PDE7B: variants seen among roughly 807,000 people sequenced by gnomAD.
PDE7B encodes the protein 3',5'-cyclic-AMP phosphodiesterase 7B.
A neutral mutation model predicts 56.2 loss-of-function variants in PDE7B; 29 were observed. That is an observed-to-expected ratio of 0.52 (90% CI 0.38 to 0.70). The LOEUF is 0.70. Ranked by LOEUF, PDE7B falls within the 30% of genes least tolerant of loss-of-function variation. PDE7B has a pLI of 0.00. For synonymous variants in PDE7B, 197 were observed against 196.9 expected (o/e 1.00, Z 0.00); for missense variants, 490 against 565.0 (o/e 0.87, Z 1.35).
intron 8 of PDE7B, chr6:136,156,162 AGT>A (rs10625572): frequency 0.062 from 15,537 of 250,936 alleles, 285 homozygotes; most frequent in Non-Finnish European, 0.073. Flanking sequence ...GAATGATCCA[AGT>A]GTGTGTGTGT....
chr6:136,006,526 G>T (rs1024597852), intron 2 of PDE7B, among the ~76,000 whole-genome samples: 1 of 152,004 alleles, frequency 6.6e-6, no homozygotes, highest in African/African-American at 2.4e-5. Context: ...CAATGATATT[G>T]ATTCTTCCTA....
chr6:136,167,573 T>A (rs1778814936), intron 8 of PDE7B, among the ~76,000 whole-genome samples: 1 of 152,218 alleles, frequency 6.6e-6, no homozygotes, highest in African/African-American at 2.4e-5. Context: ...TGTAAGTCCA[T>A]TGAACCTCTT....
rs534828027 is a variant in PDE7B, at chr6:135,876,546, G to A, written c.21+24527G>A. ...TTTCTCACTTTCTTGAACTTATATA[G>A]TCGATAGATATGTTCAATATCCTCA... On this transcript the variant is annotated intron_variant, in intron 1 of 12. Coordinates refer to ENST00000308191, the MANE Select transcript of PDE7B (RefSeq NM_018945.4). Among the ~76,000 whole-genome samples, 344 of 152,156 alleles carry A rather than the reference G, an allele frequency of 2.3e-3. 3 individuals are homozygous for A. Among genetic ancestry groups the A allele is most frequent in the African/African-American group, 8.0e-3 (333 of 41,512 alleles).
At chr6:135,976,060 G>A (rs542744308) in intron 2 of PDE7B, among the ~76,000 whole-genome samples, 119 of 152,242 alleles carry the variant, frequency 7.8e-4, no homozygotes, top group African/African-American at 2.8e-3. Flanking sequence ...CAGACCTGCA[G>A]CCGATACCAC....
At chr6:136,055,921 A>T (rs1173612750) in intron 2 of PDE7B, among the ~76,000 whole-genome samples, 1 of 152,242 alleles carries the variant, frequency 6.6e-6, no homozygotes, top group African/African-American at 2.4e-5. Flanking sequence ...ACACTGGACA[A>T]TGATCCTGCA....
chr6:136,090,673 A>G (rs187089933), intron 2 of PDE7B, among the ~76,000 whole-genome samples: 2 of 152,266 alleles, frequency 1.3e-5, no homozygotes, highest in African/African-American at 4.8e-5. Context: ...TTACCCTCTT[A>G]GTTTGAACCA....
chr6:136,046,569 C>A (rs1459696484), intron 2 of PDE7B, among the ~76,000 whole-genome samples: 1 of 152,178 alleles, frequency 6.6e-6, no homozygotes, highest in Non-Finnish European at 1.5e-5. Context: ...AGGTGCCAAC[C>A]TCAGAGGGAG....
rs762045745 is a variant in PDE7B at position 135,928,989 on chromosome 6, T to A, written c.22-18475T>A. Among the ~76,000 whole-genome samples, 46 of 152,260 alleles carry A rather than the reference T, an allele frequency of 3.0e-4. 2 individuals carry two copies. Among genetic ancestry groups the A allele is most frequent in the South Asian group, 8.3e-4 (4 of 4,828 alleles). Reference sequence around the variant, plus strand: ...AATAACAGAAAGTATAGACCTACTATGCAAAATTTTCACAGCCTAAAATAC... The same window carrying A: ...AATAACAGAAAGTATAGACCTACTAAGCAAAATTTTCACAGCCTAAAATAC... On this transcript the variant is annotated intron_variant, in intron 1 of 12. Transcript: ENST00000308191.
chr6:135,852,074 C>G (rs1774951357), intron 1 of PDE7B, 55 bp downstream of exon 1: 2 of 1,188,894 alleles, frequency 1.7e-6, no homozygotes, highest in South Asian at 2.4e-5. Context: ...AATAGAGTCA[C>G]AGAGAGATGG....
At chr6:135,973,689 G>A (rs1356467332) in intron 2 of PDE7B, among the ~76,000 whole-genome samples, 1 of 152,186 alleles carries the variant, frequency 6.6e-6, no homozygotes, top group Non-Finnish European at 1.5e-5. Flanking sequence ...ATCACTCATT[G>A]TGGTATTGAT....
intron 3 of PDE7B, among the ~76,000 whole-genome samples, chr6:136,132,474 C>T (rs1233622490): frequency 6.6e-6 from 1 of 152,154 alleles, no homozygotes; most frequent in Admixed American, 6.6e-5. Flanking sequence ...TGTTACTTAT[C>T]CATTGCATGA....
chr6:135,901,489 T>A (rs145852688), intron 1 of PDE7B, among the ~76,000 whole-genome samples: 1 of 152,206 alleles, frequency 6.6e-6, no homozygotes, highest in African/African-American at 2.4e-5. Context: ...AGTACAGACC[T>A]TTTTTTGCAA....
chr6:135,942,690 C>T (rs1363701422), intron 1 of PDE7B, among the ~76,000 whole-genome samples: 2 of 152,114 alleles, frequency 1.3e-5, no homozygotes, highest in African/African-American at 2.4e-5. Context: ...TTGTTCTACC[C>T]TCTGCTTCTA....
chr6:135,965,403 A>G (rs933186439), intron 2 of PDE7B, among the ~76,000 whole-genome samples: 2 of 152,190 alleles, frequency 1.3e-5, no homozygotes, highest in Non-Finnish European at 2.9e-5. Flanking sequence ...GGAGAACCCA[A>G]GGAACAGAAA....
In PDE7B at chr6:136,045,849, G is replaced by A. The variant is rs532198642; in HGVS notation, c.83-62882G>A. On this transcript the variant is annotated intron_variant, in intron 2 of 12. Transcript: ENST00000308191. ...AACGTAAATCTTCCGTAAAGGTATC[G>A]AAAAGGAAAATTAAATAACTAAGGG... Among the ~76,000 whole-genome samples, 18 of 151,102 alleles carry A rather than the reference G, an allele frequency of 1.2e-4. 1 individual carries two copies. The highest frequency in any genetic ancestry group is 4.1e-4 in the African/African-American group (17 of 41,482).
At chr6:136,010,032 G>T (rs1247835139) in intron 2 of PDE7B, among the ~76,000 whole-genome samples, 1 of 152,204 alleles carries the variant, frequency 6.6e-6, no homozygotes, top group Non-Finnish European at 1.5e-5. Context: ...TTCAGTTGTG[G>T]TATTAGGTTG....
chr6:136,185,694 G>A (rs753210630), intron 11 of PDE7B, among the ~76,000 whole-genome samples: 12 of 152,092 alleles, frequency 7.9e-5, no homozygotes, highest in African/African-American at 2.4e-4. Flanking sequence ...GAGCTCAAGC[G>A]TTCAAGGGTG....
chr6:136,095,408 A>C (rs111793285), intron 2 of PDE7B, among the ~76,000 whole-genome samples: 224 of 152,308 alleles, frequency 1.5e-3, no homozygotes, highest in African/African-American at 4.1e-3. Flanking sequence ...AGTGATTGGC[A>C]AAGCAGTTTT....
At chr6:135,904,169 C>T (rs940877500) in intron 1 of PDE7B, among the ~76,000 whole-genome samples, 1 of 152,128 alleles carries the variant, frequency 6.6e-6, no homozygotes, top group Non-Finnish European at 1.5e-5. Context: ...GCTTTTAAGG[C>T]CAGAATATTT....
Sources: gnomAD v4.1 joint callset for allele counts (sites outside exome capture counted in the v4.1 genomes callset) on GRCh38, gnomAD v4.1.1 for gene constraint, MANE v1.5 for transcripts, NCBI Gene and HGNC (gene_info 2026-07-23, HGNC 2026-07-21) for gene names.